ACOXL: variants seen among roughly 807,000 people sequenced by gnomAD.
The protein encoded by ACOXL is acyl-coenzyme A oxidase-like protein.
In ACOXL, 70 loss-of-function variants were observed where a neutral mutation model predicts 71.9. The ratio of observed to expected loss-of-function variants is 0.97; its 90% confidence interval spans 0.80 to 1.19. The LOEUF is 1.19. Among genes scored for constraint, ACOXL ranks in the 50% most tolerant of loss-of-function variants. The pLI is 0.00. For synonymous variants in ACOXL, 253 were observed against 281.6 expected (o/e 0.90, Z 1.02); for missense variants, 703 against 736.3 (o/e 0.95, Z 0.52).
intron 10 of ACOXL, among the ~76,000 whole-genome samples, chr2:110,905,176 G>T (rs1310594959): frequency 6.6e-6 from 1 of 152,116 alleles, no homozygotes; most frequent in African/African-American, 2.4e-5. Flanking sequence ...TCCTGCTTTG[G>T]TTGGTTTGGT....
chr2:110,753,265 A>G (rs560340593), intron 1 of ACOXL, among the ~76,000 whole-genome samples: 12 of 152,274 alleles, frequency 7.9e-5, no homozygotes, highest in African/African-American at 2.2e-4. Flanking sequence ...AAGCCGAGCA[A>G]ATGCTGATGC....
intron 16 of ACOXL, among the ~76,000 whole-genome samples, chr2:111,091,315 A>G (rs1224741647): frequency 6.6e-6 from 1 of 152,180 alleles, no homozygotes. Context: ...TGAATGTATC[A>G]TCTGTTTCTT....
At chr2:111,006,247 C>T (rs373724970) in intron 14 of ACOXL, among the ~76,000 whole-genome samples, 2 of 152,320 alleles carry the variant, frequency 1.3e-5, no homozygotes, top group African/African-American at 4.8e-5. Context: ...GTGAGGTTCC[C>T]TCTTTGCTCA....
chr2:110,953,714 C>CA (rs1197670958), intron 12 of ACOXL, among the ~76,000 whole-genome samples: 3 of 152,134 alleles, frequency 2.0e-5, no homozygotes, highest in African/African-American at 7.2e-5. Context: ...TTAATTAACT[C>CA]ACAGTTCCAC....
chr2:110,915,680 G>A (rs940378103), intron 11 of ACOXL, among the ~76,000 whole-genome samples: 3 of 151,502 alleles, frequency 2.0e-5, no homozygotes, highest in Admixed American at 6.6e-5. Context: ...CACCCACTTC[G>A]GCCTCTCAAA....
intron 15 of ACOXL, among the ~76,000 whole-genome samples, chr2:111,038,279 T>C (rs2065618587): frequency 1.3e-5 from 2 of 152,238 alleles, no homozygotes; most frequent in Non-Finnish European, 1.5e-5. Flanking sequence ...GCTGCTACCA[T>C]CTGCCCATGT....
At chr2:111,009,513 C>CAAAAA (rs35134750) in intron 14 of ACOXL, among the ~76,000 whole-genome samples, 5 of 115,002 alleles carry the variant, frequency 4.3e-5, no homozygotes, top group Middle Eastern at 4.6e-3. Context: ...GACTCCGTCT[C>CAAAAA]AAAAAAAAAA....
At chr2:111,019,869 C>CT (rs899736549) in intron 14 of ACOXL, among the ~76,000 whole-genome samples, 17 of 151,564 alleles carry the variant, frequency 1.1e-4, no homozygotes, top group East Asian at 3.9e-4. Context: ...TTTTCTTTTT[C>CT]TTTTTTTTTG....
intron 10 of ACOXL, among the ~76,000 whole-genome samples, chr2:110,861,295 A>G (rs1174072114): frequency 1.3e-5 from 2 of 151,914 alleles, no homozygotes. Context: ...TACATCATTA[A>G]AAAAAATACC....
intron 12 of ACOXL, among the ~76,000 whole-genome samples, chr2:110,944,799 A>G (rs1574229656): frequency 1.3e-5 from 2 of 152,248 alleles, no homozygotes; most frequent in East Asian, 3.8e-4. Flanking sequence ...TAGTGCTGCC[A>G]TGAACATACG....
At chr2:110,889,385 A>C (rs1350907595) in intron 10 of ACOXL, among the ~76,000 whole-genome samples, 1 of 152,244 alleles carries the variant, frequency 6.6e-6, no homozygotes, top group African/African-American at 2.4e-5. Context: ...AAGGTATGCC[A>C]TATGATGGCT....
intron 10 of ACOXL, among the ~76,000 whole-genome samples, chr2:110,897,601 G>A (rs1302059025): frequency 2.0e-5 from 3 of 152,158 alleles, no homozygotes; most frequent in South Asian, 2.1e-4. Context: ...CCTCTCGTTA[G>A]GCCTCACCTC....
At chr2:111,093,106 A>G in intron 17 of ACOXL, 140 bp downstream of exon 17, 1 of 651,772 alleles carries the variant, frequency 1.5e-6, no homozygotes, top group Non-Finnish European at 2.6e-6. Flanking sequence ...GTATATTTTC[A>G]TTACCTATCA....
intron 9 of ACOXL, among the ~76,000 whole-genome samples, chr2:110,809,981 G>A (rs1026203784): frequency 2.0e-5 from 3 of 152,182 alleles, no homozygotes; most frequent in African/African-American, 7.2e-5. Flanking sequence ...TGATGTCGAT[G>A]TCCTCACCAG....
intron 11 of ACOXL, among the ~76,000 whole-genome samples, chr2:110,918,314 T>G (rs1180508006): frequency 6.6e-6 from 1 of 152,170 alleles, no homozygotes; most frequent in Non-Finnish European, 1.5e-5. Flanking sequence ...AGGAAAAGGA[T>G]TCCCTGTTTA....
At chr2:110,995,215 G>T (rs558318917) in intron 13 of ACOXL, among the ~76,000 whole-genome samples, 1 of 151,914 alleles carries the variant, frequency 6.6e-6, no homozygotes, top group Admixed American at 6.6e-5. Flanking sequence ...ATTGTATAAT[G>T]GGGGCCAGGC....
chr2:110,853,360 C>T (rs1692847717), intron 10 of ACOXL, among the ~76,000 whole-genome samples: 1 of 152,184 alleles, frequency 6.6e-6, no homozygotes, highest in South Asian at 2.1e-4. Flanking sequence ...AAACTGCCCT[C>T]GACTGAGAGC....
rs753437330 is a variant in ACOXL at position 110,987,068 on chromosome 2, T to A, written c.1060-40T>A. 8 of 1,508,044 alleles carry A rather than the reference T, an allele frequency of 5.3e-6. No homozygotes were observed. The South Asian group carries it at 9.6e-5, about 18-fold the overall frequency. The allele number at this position is 1,508,044 out of a possible 1,614,324, so 93.4% of individuals were successfully genotyped here. A position where few individuals can be genotyped will look rare whatever the true frequency, so the allele number is the denominator to read the frequency against. On this transcript the variant is annotated intron_variant, in intron 12 of 17. Coordinates refer to ENST00000439055, the MANE Select transcript of ACOXL (RefSeq NM_001142807.4). ...CAGTATTAAAGATACTGTCATTTTT[T>A]ACACTGCTGAGACTGATGAGCGATA...
intron 10 of ACOXL, among the ~76,000 whole-genome samples, chr2:110,900,576 T>A (rs1390677060): frequency 6.6e-6 from 1 of 152,160 alleles, no homozygotes; most frequent in African/African-American, 2.4e-5. Context: ...GTGTGTCTGA[T>A]CCAAAGCCTG....
Sources: gnomAD v4.1 joint callset for allele counts (sites outside exome capture counted in the v4.1 genomes callset) on GRCh38, gnomAD v4.1.1 for gene constraint, MANE v1.5 for transcripts, NCBI Gene and HGNC (gene_info 2026-07-23, HGNC 2026-07-21) for gene names.